Variants in ERBB4 observed in about 807,000 individuals in gnomAD.
The protein encoded by ERBB4 is receptor tyrosine-protein kinase erbB-4.
ERBB4 carries 42 observed loss-of-function variants against 158.0 expected under a neutral mutation model. That is an observed-to-expected ratio of 0.27 (90% confidence interval 0.21 to 0.34). The LOEUF (loss-of-function observed/expected upper bound fraction) is 0.34. ERBB4 is among the 10% of genes least tolerant of loss of function. ERBB4 has a pLI of 1.00. For synonymous variants in ERBB4, 583 were observed against 558.7 expected, an observed-to-expected ratio of 1.04 and a Z score of -0.61; for missense variants, 1,333 against 1,624.1, an observed-to-expected ratio of 0.82 and a Z score of 3.08.
At position 212,020,051 on chromosome 2, in the gene ERBB4, C is replaced by T. The variant is rs184003755; in HGVS notation, c.235-72435G>A. ...CAGAAAAATGATTCTTATGTAGATACTCATAGAGAAAATTCTGCTACCTAA... is the reference window on the plus strand; with the variant it reads ...CAGAAAAATGATTCTTATGTAGATATTCATAGAGAAAATTCTGCTACCTAA... On this transcript the variant is annotated intron_variant, in intron 2 of 27. Transcript: ENST00000342788. 9.3e-4 allele frequency among the ~76,000 whole-genome samples: 142 copies of T among 152,148 alleles called. 1 individual carries two copies. Among genetic ancestry groups the T allele is most frequent in the African/African-American group, 3.3e-3 (136 of 41,532 alleles).
At position 212,394,608 on chromosome 2, in the gene ERBB4, C is replaced by A. The variant is rs193041011; in HGVS notation, c.82+143841G>T. Among the ~76,000 whole-genome samples, 7 of 151,928 alleles carry A rather than the reference C, an allele frequency of 4.6e-5. No individual in the cohort carries two copies. The East Asian group carries it at 1.4e-3, about 29-fold the overall frequency. On this transcript the variant is annotated intron_variant, in intron 1 of 27. Transcript: ENST00000342788. ...AGAGATCAGAAAAGATGTTTACTACCCCTTCACTACTTATGTTAAATATTT... is the reference window on the plus strand; with the variant it reads ...AGAGATCAGAAAAGATGTTTACTACACCTTCACTACTTATGTTAAATATTT...
intron 1 of ERBB4, among the ~76,000 whole-genome samples, chr2:212,312,725 A>G (rs1342941608): frequency 6.6e-6 from 1 of 151,054 alleles, no homozygotes; most frequent in Non-Finnish European, 1.5e-5. Flanking sequence ...TGAATATATT[A>G]AATTGAACAG....
intron 1 of ERBB4, among the ~76,000 whole-genome samples, chr2:212,327,614 G>T (rs894261878): frequency 2.0e-5 from 3 of 151,872 alleles, no homozygotes; most frequent in South Asian, 4.2e-4. Context: ...ATATAATAAA[G>T]TTAAACATTA....
intron 1 of ERBB4, among the ~76,000 whole-genome samples, chr2:212,135,967 G>GT (rs1263713186): frequency 6.6e-6 from 1 of 152,136 alleles, no homozygotes; most frequent in Non-Finnish European, 1.5e-5. Flanking sequence ...CTCCAAGCTG[G>GT]TAAAATGCCA....
chr2:212,043,652 T>C (rs958192274), intron 2 of ERBB4, among the ~76,000 whole-genome samples: 3 of 152,124 alleles, frequency 2.0e-5, no homozygotes, highest in Non-Finnish European at 4.4e-5. Context: ...TTTTCAGCTC[T>C]CATAAATAGG....
intron 1 of ERBB4, among the ~76,000 whole-genome samples, chr2:212,312,748 G>A (rs1344391184): frequency 6.6e-6 from 1 of 150,892 alleles, no homozygotes; most frequent in Non-Finnish European, 1.5e-5. Context: ...TTAGATTAGA[G>A]TGAAGCAGTT....
intron 1 of ERBB4, among the ~76,000 whole-genome samples, chr2:212,352,224 T>G (rs2089282959): frequency 6.6e-6 from 1 of 151,904 alleles, no homozygotes; most frequent in Non-Finnish European, 1.5e-5. Context: ...GTACTATCCT[T>G]TGTACCTGGG....
intron 1 of ERBB4, among the ~76,000 whole-genome samples, chr2:212,526,821 C>A (rs568071696): frequency 3.3e-5 from 5 of 152,102 alleles, no homozygotes; most frequent in African/African-American, 1.2e-4. Context: ...AATTGTCTCC[C>A]CACCTATATT....
intron 3 of ERBB4, among the ~76,000 whole-genome samples, chr2:211,863,491 T>C (rs539033925): frequency 1.6e-3 from 249 of 152,282 alleles, no homozygotes; most frequent in Non-Finnish European, 2.8e-3. Context: ...CTGTAACACT[T>C]ACCACAGGGG....
intron 2 of ERBB4, among the ~76,000 whole-genome samples, chr2:212,089,405 T>C (rs1307628186): frequency 1.3e-5 from 2 of 152,144 alleles, no homozygotes; most frequent in Non-Finnish European, 2.9e-5. Flanking sequence ...TCTGATATGA[T>C]TTGGATTTGT....
intron 1 of ERBB4, among the ~76,000 whole-genome samples, chr2:212,222,357 C>T (rs187343036): frequency 4.0e-5 from 6 of 151,576 alleles, no homozygotes; most frequent in Admixed American, 2.0e-4. Context: ...TAAAAAATTA[C>T]ACAGTATATG....
At chr2:211,796,853 C>G (rs2076393000) in intron 3 of ERBB4, among the ~76,000 whole-genome samples, 1 of 151,886 alleles carries the variant, frequency 6.6e-6, no homozygotes. Context: ...AATAATTTAT[C>G]AGGTGTAACC....
chr2:211,457,530 C>T (rs16846210), intron 20 of ERBB4, among the ~76,000 whole-genome samples: 24,940 of 152,128 alleles, frequency 0.16, 2,415 homozygotes, highest in East Asian at 0.4. Context: ...ATGTAAACAT[C>T]GAACACTCAA....
intron 1 of ERBB4, among the ~76,000 whole-genome samples, chr2:212,419,624 T>C (rs2091745762): frequency 6.6e-6 from 1 of 152,018 alleles, no homozygotes; most frequent in Non-Finnish European, 1.5e-5. Context: ...GTCATTAATG[T>C]AGTAATTTAA....
At chr2:211,998,934 TAAC>T (rs1022884567) in intron 2 of ERBB4, among the ~76,000 whole-genome samples, 3 of 151,896 alleles carry the variant, frequency 2.0e-5, no homozygotes, top group Non-Finnish European at 2.9e-5. Flanking sequence ...AGAAACAAAA[TAAC>T]AACAATGCTA....
chr2:211,444,901 CA>C (rs1454214111), intron 20 of ERBB4, among the ~76,000 whole-genome samples: 2 of 151,650 alleles, frequency 1.3e-5, no homozygotes, highest in African/African-American at 4.8e-5. Context: ...GTGTTGATTA[CA>C]AAAAAACTAA....
chr2:212,289,825 C>T (rs1431208686), intron 1 of ERBB4, among the ~76,000 whole-genome samples: 1 of 152,136 alleles, frequency 6.6e-6, no homozygotes, highest in Non-Finnish European at 1.5e-5. Flanking sequence ...CTTAATTGCA[C>T]AGAGTATTCT....
chr2:211,492,904 C>G (rs753546903), intron 20 of ERBB4, among the ~76,000 whole-genome samples: 1 of 152,126 alleles, frequency 6.6e-6, no homozygotes, highest in Non-Finnish European at 1.5e-5. Context: ...CTAAGTTCGA[C>G]TTTCCAAATA....
intron 9 of ERBB4, among the ~76,000 whole-genome samples, chr2:211,707,502 A>G (rs979469736): frequency 2.3e-4 from 35 of 152,214 alleles, no homozygotes; most frequent in African/African-American, 7.7e-4. Flanking sequence ...TTATTTTATC[A>G]TCGAGTTTAT....
Sources: allele counts gnomAD v4.1 joint callset (sites outside exome capture counted in the v4.1 genomes callset), GRCh38; gene constraint gnomAD v4.1.1; transcripts MANE v1.5; gene names NCBI Gene and HGNC (gene_info 2026-07-23, HGNC 2026-07-21).